MEI1: variants seen among roughly 807,000 people sequenced by gnomAD.
MEI1 encodes meiosis inhibitor protein 1.
MEI1 carries 103 observed loss-of-function variants against 146.2 expected under a neutral mutation model. That is an observed-to-expected ratio of 0.70 (90% confidence interval 0.60 to 0.83). MEI1 has a LOEUF of 0.83. Ranked by LOEUF, MEI1 falls within the 40% of genes least tolerant of loss-of-function variation. The probability of loss-of-function intolerance (pLI) is 0.00; values close to 1 mark genes in which losing one functional copy is unlikely to be tolerated. For synonymous variants in MEI1, 652 were observed against 628.2 expected (o/e 1.04, Z -0.57); for missense variants, 1,529 against 1,533.0 (o/e 1.00, Z 0.04).
chr22:41,699,732 T>C lies in MEI1; in HGVS notation c.174+20T>C. ...GTGTCGGTGCGGGCGGAACCTTTTC[T>C]TCAGAAGACCTGGGTTTGGCCATTT... On this transcript the variant is annotated intron_variant, in intron 1 of 30. Coordinates refer to ENST00000401548, the MANE Select transcript of MEI1 (RefSeq NM_152513.4). 6.5e-7 allele frequency: 1 copy of C among 1,539,954 alleles called. No individual in the cohort carries two copies. Among genetic ancestry groups the C allele is most frequent in the Non-Finnish European group, 8.7e-7 (1 of 1,144,734 alleles).
Position 41,781,243 on chromosome 22 carries a change from T to A in MEI1, c.2816-41T>A, listed in dbSNP as rs756741865. ...GGCTACCACCTATGACAAGTGTGAG[T>A]GTTTTGCGACAGGCCGACTGGGGAC... is the stretch of plus-strand genomic sequence containing the variant. On this transcript the variant is annotated intron_variant, in intron 22 of 30. Coordinates refer to ENST00000401548, the MANE Select transcript of MEI1 (RefSeq NM_152513.4). 17 of 1,441,080 alleles carry A rather than the reference T, an allele frequency of 1.2e-5. No homozygotes were observed. The African/African-American group carries it at 2.1e-4, about 18-fold the overall frequency. The allele number at this position is 1,441,080 out of a possible 1,614,324, so 89.3% of individuals were successfully genotyped here.
At chr22:41,724,152 C>A in intron 7 of MEI1, 79 bp downstream of exon 7, 10 of 1,518,900 alleles carry the variant, frequency 6.6e-6, no homozygotes, top group Non-Finnish European at 8.1e-6. Context: ...TCTTCATCTA[C>A]CACTCCTATC....
intron 11 of MEI1, among the ~76,000 whole-genome samples, chr22:41,741,383 A>G (rs137949993): frequency 2.1e-4 from 32 of 152,360 alleles, no homozygotes; most frequent in Non-Finnish European, 3.1e-4. Flanking sequence ...CATCTGTTCT[A>G]TTAATCATCA....
intron 11 of MEI1, among the ~76,000 whole-genome samples, chr22:41,737,196 C>G (rs1245501857): frequency 6.6e-6 from 1 of 152,082 alleles, no homozygotes; most frequent in Non-Finnish European, 1.5e-5. Flanking sequence ...TTGACCTTAT[C>G]AGACTGCTAT....
In MEI1 at chr22:41,729,750, C is replaced by T. The variant is rs199660076; in HGVS notation, c.950C>T (p.Ala317Val). The T allele has an allele frequency of 1.1e-4, 179 of 1,609,860 alleles. No individual in the cohort carries two copies. The highest frequency in any genetic ancestry group is 1.7e-4 in the Middle Eastern group (1 of 6,046). Residue 317 changes from alanine (A) to valine (V), a missense_variant, in exon 8 of 31, where the codon GCG becomes GTG. Physicochemically the swap from Ala to Val is moderately conservative, Grantham distance 64 (BLOSUM62 0). Around this residue, in one of 3 missense-constraint regions of MEI1, gnomAD observed 1,212 missense variants for 1,178.9 expected, o/e 1.03. Coordinates refer to ENST00000401548, the MANE Select transcript of MEI1 (RefSeq NM_152513.4). ...CTTGTCCACTCCCCAGCAAAGCATGCGTCAGCCTTCATCCACGCTGACATC... is the reference window on the plus strand; with the variant it reads ...CTTGTCCACTCCCCAGCAAAGCATGTGTCAGCCTTCATCCACGCTGACATC... ...AVLVHSPAKH[A>V]SAFIHADIPE...
intron 11 of MEI1, among the ~76,000 whole-genome samples, chr22:41,735,573 G>T (rs1174925702): frequency 6.6e-6 from 1 of 152,036 alleles, no homozygotes; most frequent in Admixed American, 6.6e-5. Context: ...AATATTTTTG[G>T]TCCACAGTTG....
chr22:41,784,843 G>C, intron 26 of MEI1, 60 bp downstream of exon 26: 3 of 1,428,330 alleles, frequency 2.1e-6, no homozygotes, highest in Non-Finnish European at 2.8e-6. Context: ...AGGGGTGGCT[G>C]CCTGTCGAGA....
intron 26 of MEI1, among the ~76,000 whole-genome samples, chr22:41,790,878 C>T (rs951093985): frequency 6.6e-6 from 1 of 152,120 alleles, no homozygotes; most frequent in Non-Finnish European, 1.5e-5. Flanking sequence ...CGTGAGCCAC[C>T]ACACCTGGTC....
At chr22:41,713,088 C>T (rs921700634) in intron 3 of MEI1, among the ~76,000 whole-genome samples, 4 of 152,112 alleles carry the variant, frequency 2.6e-5, no homozygotes, top group Admixed American at 6.5e-5. Context: ...GGATTACATG[C>T]GTGAGCCACC....
At chr22:41,781,934 C>T (rs1202018394) in intron 24 of MEI1, 89 bp downstream of exon 24, 2 of 1,458,582 alleles carry the variant, frequency 1.4e-6, no homozygotes, top group Non-Finnish European at 1.9e-6. Context: ...GCTCTGGGGG[C>T]TTATTAGCTG....
intron 19 of MEI1, among the ~76,000 whole-genome samples, chr22:41,769,438 G>A (rs1220614106): frequency 6.6e-6 from 1 of 151,242 alleles, no homozygotes; most frequent in Non-Finnish European, 1.5e-5. Flanking sequence ...ACCTAAATGA[G>A]CCAAAACTGT....
At chr22:41,784,225 C>T (rs2075867829) in intron 24 of MEI1, 114 bp from the exon 25 acceptor site, 2 of 912,418 alleles carry the variant, frequency 2.2e-6, no homozygotes, top group Non-Finnish European at 3.4e-6. Context: ...CCTCCGTCCC[C>T]TTTTGATGCA....
At position 41,778,558 on chromosome 22, in the gene MEI1, A is replaced by C. The variant is rs946256451; in HGVS notation, c.2711-150A>C. Reference sequence around the variant, plus strand: ...ACGCCTGTTCTAAATGAAGAAAGAAATAGGAGTAAATCCCAACAAAACACC... The same window carrying C: ...ACGCCTGTTCTAAATGAAGAAAGAACTAGGAGTAAATCCCAACAAAACACC... On this transcript the variant is annotated intron_variant, in intron 21 of 30. Coordinates refer to ENST00000401548, the MANE Select transcript of MEI1 (RefSeq NM_152513.4). 8.3e-6 allele frequency: 5 copies of C among 604,910 alleles called. No homozygotes were observed. The Admixed American group carries it at 1.5e-4, about 18-fold the overall frequency. 37.5% of individuals were successfully genotyped at this position (604,910 alleles called of 1,614,324 possible). A position where few individuals can be genotyped will look rare whatever the true frequency, so the allele number is the denominator to read the frequency against.
intron 24 of MEI1, among the ~76,000 whole-genome samples, chr22:41,782,071 A>G (rs571160490): frequency 3.9e-5 from 6 of 152,134 alleles, no homozygotes; most frequent in Non-Finnish European, 5.9e-5. Flanking sequence ...GTTTACCTAC[A>G]CTCCAGGCTC....
intron 26 of MEI1, among the ~76,000 whole-genome samples, chr22:41,791,446 C>T (rs777164955): frequency 6.6e-6 from 1 of 152,126 alleles, no homozygotes; most frequent in African/African-American, 2.4e-5. Context: ...TGTCATGATG[C>T]CACTGAGCTG....
intron 15 of MEI1, among the ~76,000 whole-genome samples, 181 bp downstream of exon 15, chr22:41,748,399 A>G (rs2073488215): frequency 6.6e-6 from 1 of 152,188 alleles, no homozygotes; most frequent in African/African-American, 2.4e-5. Context: ...AAGTCATTAA[A>G]GGGGCTGGGC....
In MEI1 at chr22:41,784,372, G is replaced by A. The variant is rs766469568; in HGVS notation, c.3121G>A (p.Val1041Ile). 2 of 1,613,960 alleles carry A rather than the reference G, an allele frequency of 1.2e-6. No individual in the cohort carries two copies. The highest frequency in any genetic ancestry group is 1.7e-6 in the Non-Finnish European group (2 of 1,179,884). ...GACACTCTCTGTGGAAATGGACCAA[G>A]TATTGAAGGCTCTCAGCTTTCCAAA... ...HQTLSVEMDQ[V>I]LKALSFPKKK... The change falls in exon 25 of 31, where the codon GTA becomes ATA. Residue 1041 changes from valine (V) to isoleucine (I), a missense_variant. Val to Ile is a conservative substitution (Grantham distance 29). Around this residue, in one of 3 missense-constraint regions of MEI1, gnomAD observed 313 missense variants for 337.3 expected, o/e 0.93. Transcript: ENST00000401548.
intron 6 of MEI1, 22 bp downstream of exon 6, chr22:41,718,296 A>C (rs755320459): frequency 1.2e-5 from 20 of 1,608,448 alleles, no homozygotes; most frequent in Non-Finnish European, 1.4e-5. Flanking sequence ...GGCTGGAGAA[A>C]AAAGGGAGAA....
rs979386716 is a variant in MEI1 at position 41,776,193 on chromosome 22, G to A, written c.2636G>A (p.Gly879Asp). 6.2e-7 allele frequency: 1 copy of A among 1,613,980 alleles called. No individual in the cohort carries two copies. The highest frequency in any genetic ancestry group is 2.2e-5 in the East Asian group (1 of 44,870). ...AGGAGGAATGAGGATATCCAAGTGGGCGGTCTTATCCGAGGCCACTTCCTG... is the reference window on the plus strand; with the variant it reads ...AGGAGGAATGAGGATATCCAAGTGGACGGTCTTATCCGAGGCCACTTCCTG... ...FLRRNEDIQV[G>D]GLIRGHFLLI... Residue 879 changes from glycine (G) to aspartate (D), a missense_variant, in exon 21 of 31, where the codon GGC becomes GAC. Physicochemically the swap from Gly to Asp is moderately conservative, Grantham distance 94 (BLOSUM62 -1). This residue lies in a region of MEI1 where 1,212 missense variants were observed against 1,178.9 expected (regional missense o/e 1.03). Transcript: ENST00000401548.
Sources: allele counts gnomAD v4.1 joint callset (sites outside exome capture counted in the v4.1 genomes callset), GRCh38; gene constraint gnomAD v4.1.1; regional missense constraint gnomAD v4.1.1; transcripts MANE v1.5; gene names NCBI Gene and HGNC (gene_info 2026-07-23, HGNC 2026-07-21).